CCDC180: variants seen among roughly 807,000 people sequenced by gnomAD.
CCDC180 encodes coiled-coil domain-containing protein 180.
In CCDC180, 154 loss-of-function variants were observed where a neutral mutation model predicts 209.2. That is an observed-to-expected ratio of 0.74 (90% CI 0.65 to 0.84). The LOEUF (loss-of-function observed/expected upper bound fraction) is 0.84, where lower values mean the gene tolerates loss of function less well. Ranked by LOEUF, CCDC180 falls within the 40% of genes least tolerant of loss-of-function variation. CCDC180 has a pLI of 0.00. For missense variants in CCDC180, 1,874 were observed against 1,997.3 expected (o/e 0.94, Z 1.18); for synonymous variants, 778 against 749.1 (o/e 1.04, Z -0.63).
In CCDC180 at chr9:97,327,438, T is replaced by C. The variant is rs575418277; in HGVS notation, c.1662-582T>C. Reference sequence around the variant, plus strand: ...CATTAATGTAGATACTTCATAATGGTTTAGCAATCCCTCAATTGATTAGCT... The same window carrying C: ...CATTAATGTAGATACTTCATAATGGCTTAGCAATCCCTCAATTGATTAGCT... On this transcript the variant is annotated intron_variant, in intron 15 of 36. Transcript: ENST00000529487. 5.9e-5 allele frequency among the ~76,000 whole-genome samples: 9 copies of C among 152,310 alleles called. No homozygotes were observed. The South Asian group carries it at 1.9e-3, about 32-fold the overall frequency.
chr9:97,317,962 T>C (rs1036395396), intron 9 of CCDC180, among the ~76,000 whole-genome samples: 2 of 152,162 alleles, frequency 1.3e-5, no homozygotes, highest in Non-Finnish European at 2.9e-5. Flanking sequence ...TCATCAACAG[T>C]GATAGCAATG....
chr9:97,315,357 C>T (rs1002517754), intron 8 of CCDC180, among the ~76,000 whole-genome samples: 12 of 152,104 alleles, frequency 7.9e-5, no homozygotes, highest in East Asian at 1.9e-4. Flanking sequence ...GAGTGATCTG[C>T]TCTGCCTGCT....
rs1050751647 is a variant in CCDC180 at position 97,328,138 on chromosome 9, T to A, written c.1780T>A (p.Phe594Ile). The A allele has an allele frequency of 2.5e-6, 4 of 1,613,780 alleles. No homozygotes were observed. Among genetic ancestry groups the A allele is most frequent in the Non-Finnish European group, 2.5e-6 (3 of 1,179,848 alleles). ...LSQYFFVREI[F>I]EQNLAGEVIF... Reference sequence around the variant, plus strand: ...CCAATACTTCTTTGTGCGTGAAATCTTTGAACAGGTATGGAGAGGGTGATG... The same window carrying A: ...CCAATACTTCTTTGTGCGTGAAATCATTGAACAGGTATGGAGAGGGTGATG... Residue 594 changes from phenylalanine to isoleucine, a missense_variant, in exon 16 of 37, where the codon TTT becomes ATT. Transcript: ENST00000529487.
intron 13 of CCDC180, among the ~76,000 whole-genome samples, chr9:97,324,211 G>A (rs1408597637): frequency 6.6e-6 from 1 of 152,148 alleles, no homozygotes; most frequent in African/African-American, 2.4e-5. Context: ...CAAGACACGT[G>A]TTATCTTGAA....
intron 29 of CCDC180, chr9:97,365,370 C>G (rs2117925799): frequency 3.5e-6 from 1 of 287,616 alleles, no homozygotes; most frequent in South Asian, 5.1e-5. Flanking sequence ...CCAAATCCAC[C>G]TGATTAGCAT....
intron 20 of CCDC180, among the ~76,000 whole-genome samples, chr9:97,348,119 CG>C (rs5899305): frequency 0.26 from 38,640 of 147,554 alleles, 5,660 homozygotes; most frequent in East Asian, 0.36. Context: ...TAATGCGGGG[CG>C]GGGGGGGGGC....
Position 97,374,539 on chromosome 9 carries a change from C to G in CCDC180, c.4601-4C>G, listed in dbSNP as rs773387350. 6.8e-6 allele frequency: 11 copies of G among 1,612,574 alleles called. No homozygotes were observed. Among genetic ancestry groups the G allele is most frequent in the Non-Finnish European group, 9.3e-6 (11 of 1,178,972 alleles). On this transcript the variant is annotated splice_region_variant and splice_polypyrimidine_tract_variant and intron_variant, in intron 34 of 36. Transcript: ENST00000529487. Reference sequence around the variant, plus strand: ...GCAGTCACTAGCCTGTCTTTTGCCTCTAGGGATGGAGCCCCCCAAACAGAA... The same window carrying G: ...GCAGTCACTAGCCTGTCTTTTGCCTGTAGGGATGGAGCCCCCCAAACAGAA...
chr9:97,352,114 AAACAACAAC>A (rs3052473), intron 22 of CCDC180, among the ~76,000 whole-genome samples: 20 of 150,530 alleles, frequency 1.3e-4, no homozygotes, highest in East Asian at 1.2e-3. Flanking sequence ...TTCCATCTCA[AAACAACAAC>A]AACAACAACA....
intron 9 of CCDC180, among the ~76,000 whole-genome samples, chr9:97,317,876 C>T (rs1210200840): frequency 6.6e-6 from 1 of 152,168 alleles, no homozygotes; most frequent in African/African-American, 2.4e-5. Context: ...GACAGAGTTT[C>T]AGTGATCCAA....
At chr9:97,348,202 C>T (rs1462086) in intron 20 of CCDC180, among the ~76,000 whole-genome samples, 27,654 of 152,018 alleles carry the variant, frequency 0.18, 3,157 homozygotes, top group Middle Eastern at 0.28. Context: ...TCCTTCAAAG[C>T]CCTTTAGAGC....
chr9:97,310,839 C>T (rs555476191), intron 3 of CCDC180, among the ~76,000 whole-genome samples: 1 of 152,192 alleles, frequency 6.6e-6, no homozygotes, highest in Non-Finnish European at 1.5e-5. Flanking sequence ...AGCCCAGACT[C>T]GAGGTCAGTG....
chr9:97,323,238 T>C (rs1833414115), intron 12 of CCDC180, among the ~76,000 whole-genome samples: 1 of 152,170 alleles, frequency 6.6e-6, no homozygotes, highest in Admixed American at 6.5e-5. Flanking sequence ...AGATGAAGTG[T>C]GCGCTCTCAG....
At chr9:97,365,536 TC>T in intron 29 of CCDC180, 136 bp from the exon 30 acceptor site, 3 of 745,152 alleles carry the variant, frequency 4.0e-6, no homozygotes, top group Non-Finnish European at 7.3e-6. Flanking sequence ...TGTGCAGAGG[TC>T]CTGGGGCAGC....
intron 19 of CCDC180, among the ~76,000 whole-genome samples, chr9:97,344,640 T>C (rs1826194875): frequency 6.6e-6 from 1 of 152,198 alleles, no homozygotes; most frequent in Non-Finnish European, 1.5e-5. Flanking sequence ...ATCCCAGATA[T>C]GAATCCAGAC....
Position 97,371,593 on chromosome 9 carries a change from AGGAATGT to A in CCDC180, c.4489-1_4494del, listed in dbSNP as rs1564178516. The stretch of plus-strand genomic sequence containing the variant: ...GCACTGTGCTCACCATGTTTTTTCC[AGGAATGT>A]ACCAGAAGGAATGGCCAGGTTTTCA... On this transcript the variant is annotated splice_acceptor_variant and coding_sequence_variant, in exon 34 of 37. Coordinates refer to ENST00000529487, the MANE Select transcript of CCDC180 (RefSeq NM_020893.6). LOFTEE classifies it high-confidence loss of function. The A allele has an allele frequency of 1.9e-6, 3 of 1,590,302 alleles. No individual in the cohort carries two copies. Among genetic ancestry groups the A allele is most frequent in the Non-Finnish European group, 2.6e-6 (3 of 1,160,792 alleles).
rs1827292772 is a variant in CCDC180 at position 97,377,588 on chromosome 9, A to G, written c.*694A>G. The G allele has an allele frequency of 6.6e-6, 1 of 152,180 alleles. No homozygotes were observed. Among genetic ancestry groups the G allele is most frequent in the Non-Finnish European group, 1.5e-5 (1 of 68,118 alleles). The allele number at this position is 152,180 out of a possible 1,614,324, so 9.4% of individuals were successfully genotyped here. ...TAGACCTAGGAGGCCCCAGCTCCCAAATTTCCAGCCCCTGAAAGCTGTGTG... is the reference window on the plus strand; with the variant it reads ...TAGACCTAGGAGGCCCCAGCTCCCAGATTTCCAGCCCCTGAAAGCTGTGTG... On this transcript the variant is annotated 3_prime_UTR_variant, in exon 37 of 37. Transcript: ENST00000529487.
chr9:97,350,600 C>T, intron 22 of CCDC180, 45 bp downstream of exon 22: 1 of 1,527,044 alleles, frequency 6.5e-7, no homozygotes. Flanking sequence ...CTGAGTTTCT[C>T]TATTGGGATG....
Position 97,363,760 on chromosome 9 carries a change from G to T in CCDC180, c.3903-291G>T. 5.6e-6 allele frequency: 3 copies of T among 536,426 alleles called. No homozygotes were observed. In the South Asian group the frequency reaches 6.2e-5, roughly 11 times the overall value. The allele number at this position is 536,426 out of a possible 1,614,324, so 33.2% of individuals were successfully genotyped here. On this transcript the variant is annotated intron_variant, in intron 28 of 36. Transcript: ENST00000529487. ...TTTTTTCTTTGGGTCCTCATCACGG[G>T]GAAGCAGGAATGCAAATTTCTGGGC... is the stretch of plus-strand genomic sequence containing the variant.
At chr9:97,355,465 A>C (rs146008358) in intron 24 of CCDC180, among the ~76,000 whole-genome samples, 2 of 152,190 alleles carry the variant, frequency 1.3e-5, no homozygotes, top group Admixed American at 1.3e-4. Context: ...CAAAAATAAA[A>C]TCTTAATAAC....
Sources: allele counts gnomAD v4.1 joint callset (sites outside exome capture counted in the v4.1 genomes callset), GRCh38; gene constraint gnomAD v4.1.1; transcripts MANE v1.5; gene names NCBI Gene and HGNC (gene_info 2026-07-23, HGNC 2026-07-21).